CHST3: variants seen among roughly 807,000 people sequenced by gnomAD.
The protein encoded by CHST3 is C6ST-1.
Under a neutral mutation model 35.4 loss-of-function variants are expected in CHST3, and 20 were observed. The observed-to-expected ratio is 0.57, with a 90% CI of 0.40 to 0.82. The LOEUF (loss-of-function observed/expected upper bound fraction) is 0.82, where lower values mean the gene tolerates loss of function less well. CHST3 is among the 40% of genes least tolerant of loss of function. The probability of loss-of-function intolerance (pLI) is 0.00; values close to 1 mark genes in which losing one functional copy is unlikely to be tolerated. For synonymous variants in CHST3, 334 were observed against 295.9 expected (o/e 1.13, Z -1.32); for missense variants, 693 against 670.1 (o/e 1.03, Z -0.38).
chr10:71,974,422 C>T (rs919134023), intron 1 of CHST3, among the ~76,000 whole-genome samples: 7 of 152,172 alleles, frequency 4.6e-5, no homozygotes, highest in African/African-American at 2.4e-5. Context: ...CCCAGGTCTG[C>T]TGTCGCTTGA....
At chr10:71,975,714 G>A (rs1839738520) in intron 1 of CHST3, among the ~76,000 whole-genome samples, 2 of 152,262 alleles carry the variant, frequency 1.3e-5, no homozygotes, top group South Asian at 4.1e-4. Flanking sequence ...GGGGCCCAGT[G>A]CCAGCTTCCT....
chr10:71,978,253 C>T (rs998580404), intron 1 of CHST3, among the ~76,000 whole-genome samples: 9 of 152,216 alleles, frequency 5.9e-5, no homozygotes, highest in African/African-American at 1.9e-4. Context: ...TGTAATCCAG[C>T]TACTCGGGAG....
rs1456813162 is a variant in CHST3 at position 72,005,944 on chromosome 10, T to C, written c.102T>C (p.Val34=). 2 of 1,614,120 alleles carry C rather than the reference T, an allele frequency of 1.2e-6. No homozygotes were observed. The highest frequency in any genetic ancestry group is 4.5e-5 in the East Asian group (2 of 44,902). The change falls in exon 2 of 3, where the codon GTT becomes GTC. Residue 34 remains valine, a synonymous_variant. Coordinates refer to ENST00000373115, the MANE Select transcript of CHST3 (RefSeq NM_004273.5). The part of the protein sequence containing the change: ...YALFLVFVVI[V]FVFIEKENKI... ...TTTTCTTGGTTTTTGTGGTGATAGT[T>C]TTTGTCTTCATCGAAAAGGAAAATA...
rs1246520711 is a variant in CHST3, at chr10:72,008,566, G to A, written c.*95G>A. 12 of 1,439,508 alleles carry A rather than the reference G, an allele frequency of 8.3e-6. No homozygotes were observed. In the South Asian group the frequency reaches 1.3e-4, roughly 16 times the overall value. The allele number at this position is 1,439,508 out of a possible 1,614,324, so 89.2% of individuals were successfully genotyped here. ...AGGGCGGGTGCACAGCGCCATGAGC[G>A]GGCAGCGCCTCCTGTAGCAGTAGGG... On this transcript the variant is annotated 3_prime_UTR_variant, in exon 3 of 3. Coordinates refer to ENST00000373115, the MANE Select transcript of CHST3 (RefSeq NM_004273.5).
In CHST3 at chr10:71,977,989, T is replaced by A. The variant is rs544328064; in HGVS notation, c.-108+13295T>A. Among the ~76,000 whole-genome samples the A allele has an allele frequency of 2.4e-4, 36 of 152,262 alleles. No individual in the cohort carries two copies. In the South Asian group the frequency reaches 7.5e-3, roughly 32 times the overall value. On this transcript the variant is annotated intron_variant, in intron 1 of 2. Transcript: ENST00000373115. ...CAGCAATAGTAACAGCACCACCACC[T>A]CCTCATATTGAACCTGCCTCTGTGC...
intron 1 of CHST3, among the ~76,000 whole-genome samples, chr10:72,000,894 T>A (rs1412525445): frequency 6.6e-6 from 1 of 150,948 alleles, no homozygotes; most frequent in Non-Finnish European, 1.5e-5. Context: ...AGCAGGGGTG[T>A]GGGCCTCAGC....
At chr10:71,967,274 G>GAC (rs1035265694) in intron 1 of CHST3, among the ~76,000 whole-genome samples, 18 of 152,160 alleles carry the variant, frequency 1.2e-4, no homozygotes, top group African/African-American at 4.1e-4. Flanking sequence ...TTACAGGTCT[G>GAC]ACACACTGCA....
At chr10:71,986,313 G>T (rs1839846565) in intron 1 of CHST3, among the ~76,000 whole-genome samples, 1 of 152,144 alleles carries the variant, frequency 6.6e-6, no homozygotes, top group Non-Finnish European at 1.5e-5. Context: ...TGATGCCCAG[G>T]CCACACCAAT....
At position 72,008,048 on chromosome 10, in the gene CHST3, G is replaced by A; in HGVS notation, c.1017G>A (p.Gln339=). The A allele has an allele frequency of 6.5e-7, 1 of 1,549,278 alleles. No homozygotes were observed. The change falls in exon 3 of 3, where the codon CAG becomes CAA. Residue 339 remains glutamine (Q), a synonymous_variant. Transcript: ENST00000373115. ...GQDGLREEEV[Q]RLRGNCESIR... is the part of the protein sequence containing the mutation. Reference sequence around the variant, plus strand: ...ACGGCCTGAGGGAAGAGGAGGTGCAGCGGCTGCGGGGCAACTGCGAGAGCA... The same window carrying A: ...ACGGCCTGAGGGAAGAGGAGGTGCAACGGCTGCGGGGCAACTGCGAGAGCA...
chr10:71,966,287 G>T (rs1011952035), intron 1 of CHST3, among the ~76,000 whole-genome samples: 14 of 152,156 alleles, frequency 9.2e-5, no homozygotes, highest in Non-Finnish European at 1.9e-4. Context: ...TGCAGCAGTG[G>T]CTTGGCTCTG....
rs759393390 is a variant in CHST3, at chr10:72,007,371, G to C, written c.340G>C (p.Glu114Gln). Residue 114 changes from glutamate to glutamine, a missense_variant, in exon 3 of 3, where the codon GAG becomes CAG. Coordinates refer to ENST00000373115, the MANE Select transcript of CHST3 (RefSeq NM_004273.5). The part of the protein sequence containing the change: ...EPAMEAAGEE[E>Q]EEQRKEEEPP... ...AGCCATGGAGGCCGCAGGGGAGGAA[G>C]AGGAAGAGCAGAGAAAGGAGGAGGA... 63 of 1,606,402 alleles carry C rather than the reference G, an allele frequency of 3.9e-5. No homozygotes were observed. The highest frequency in any genetic ancestry group is 5.2e-5 in the Non-Finnish European group (61 of 1,176,906).
At chr10:71,981,782 T>C (rs576972894) in intron 1 of CHST3, among the ~76,000 whole-genome samples, 1 of 152,370 alleles carries the variant, frequency 6.6e-6, no homozygotes, top group South Asian at 2.1e-4. Flanking sequence ...ACTGCTGACA[T>C]GAATTCAATG....
chr10:71,964,763 G>A (rs1196976133), intron 1 of CHST3, 69 bp downstream of exon 1: 1 of 151,858 alleles, frequency 6.6e-6, no homozygotes, highest in African/African-American at 2.4e-5. Flanking sequence ...GGGAGCCCCC[G>A]CCTTCCGCGT....
intron 1 of CHST3, among the ~76,000 whole-genome samples, chr10:71,971,805 A>G (rs1277462179): frequency 2.6e-5 from 4 of 152,126 alleles, no homozygotes; most frequent in African/African-American, 9.7e-5. Context: ...CACGGAGAGA[A>G]GCTGAGGGCC....
intron 1 of CHST3, among the ~76,000 whole-genome samples, chr10:71,971,519 G>C (rs115955453): frequency 6.6e-6 from 1 of 152,130 alleles, no homozygotes; most frequent in Non-Finnish European, 1.5e-5. Context: ...ACAGCTACCT[G>C]AGATTTAGCC....
At chr10:71,991,152 A>G (rs1456400443) in intron 1 of CHST3, among the ~76,000 whole-genome samples, 1 of 152,128 alleles carries the variant, frequency 6.6e-6, no homozygotes, top group Admixed American at 6.5e-5. Context: ...ACTTTCACCC[A>G]CATCCTACCT....
intron 1 of CHST3, among the ~76,000 whole-genome samples, chr10:71,994,509 A>C (rs1839923469): frequency 6.6e-6 from 1 of 152,362 alleles, no homozygotes; most frequent in East Asian, 1.9e-4. Context: ...ATATGCTGTC[A>C]TCCAGGCCTG....
chr10:71,986,821 T>G (rs1839851251), intron 1 of CHST3, among the ~76,000 whole-genome samples: 1 of 152,198 alleles, frequency 6.6e-6, no homozygotes, highest in African/African-American at 2.4e-5. Context: ...AACAGTGCCA[T>G]TGGCATAGAC....
chr10:71,987,746 A>C (rs11000126), intron 1 of CHST3, among the ~76,000 whole-genome samples: 1 of 151,206 alleles, frequency 6.6e-6, no homozygotes, highest in African/African-American at 2.4e-5. Context: ...CAGAGGAAAT[A>C]GAAGTAGGGT....
Sources: allele counts gnomAD v4.1 joint callset (sites outside exome capture counted in the v4.1 genomes callset), GRCh38; gene constraint gnomAD v4.1.1; transcripts MANE v1.5; gene names NCBI Gene and HGNC (gene_info 2026-07-23, HGNC 2026-07-21).